Variants in MYO1F observed in about 807,000 individuals in gnomAD.
MYO1F encodes the protein myosin IF, also known as unconventional myosin-If.
Under a neutral mutation model 146.6 loss-of-function variants are expected in MYO1F, and 60 were observed. The ratio of observed to expected loss-of-function variants is 0.41; its 90% confidence interval spans 0.33 to 0.51. MYO1F has a LOEUF of 0.51. Among genes scored for constraint, MYO1F ranks in the 20% least tolerant of loss-of-function variants. The probability of loss-of-function intolerance (pLI) is 0.25; values close to 1 mark genes in which losing one functional copy is unlikely to be tolerated. For synonymous variants in MYO1F, 602 were observed against 602.1 expected, an observed-to-expected ratio of 1.00 and a Z score of 0.00; for missense variants, 1,274 against 1,534.3, an observed-to-expected ratio of 0.83 and a Z score of 2.83.
intron 25 of MYO1F, among the ~76,000 whole-genome samples, chr19:8,523,766 C>T (rs753243963): frequency 2.4e-4 from 36 of 152,192 alleles, no homozygotes; most frequent in Non-Finnish European, 4.0e-4. Context: ...GATATTCTCC[C>T]CTCTCAGCCT....
rs769845393 is a variant in MYO1F, at chr19:8,550,236, T to C, written c.1025A>G (p.Asn342Ser). The change falls in exon 10 of 28, where the codon AAC becomes AGC. Residue 342 changes from asparagine (N) to serine (S), a missense_variant. Physicochemically the swap from Asn to Ser is conservative, Grantham distance 46. Around this residue, in one of 2 missense-constraint regions of MYO1F, gnomAD observed 900 missense variants for 1,155.1 expected, o/e 0.78. Coordinates refer to ENST00000644032, the MANE Select transcript of MYO1F (RefSeq NM_012335.4). Reference sequence around the variant, plus strand: ...ACGGGTGTAGGCTGCCTGCTCCACGTTGAGGGTCACATTGATGGACTCGCT... The same window carrying C: ...ACGGGTGTAGGCTGCCTGCTCCACGCTGAGGGTCACATTGATGGACTCGCT... ...GRSESINVTL[N>S]VEQAAYTRDA... is the part of the protein sequence containing the mutation. 5 of 1,614,078 alleles carry C rather than the reference T, an allele frequency of 3.1e-6. No homozygotes were observed. The highest frequency in any genetic ancestry group is 1.7e-5 in the Admixed American group (1 of 59,996).
In MYO1F at chr19:8,544,351, G is replaced by C; in HGVS notation, c.1470C>G (p.His490Gln). Residue 490 changes from histidine to glutamine, a missense_variant, in exon 14 of 28, where the codon CAC (histidine) becomes CAG (glutamine). Coordinates refer to ENST00000644032, the MANE Select transcript of MYO1F (RefSeq NM_012335.4). ...CGGCGCTCCAGCTGTTGAAATGCTC[G>C]TGGGTCCCCACAGCCGCCTGCAGCT... ...LQKLQAAVGT[H>Q]EHFNSWSAGF... 3.1e-6 allele frequency: 5 copies of C among 1,613,134 alleles called. No homozygotes were observed. Among genetic ancestry groups the C allele is most frequent in the Non-Finnish European group, 2.5e-6 (3 of 1,179,846 alleles).
chr19:8,541,417 G>GTTTTT (rs762175522), intron 15 of MYO1F, among the ~76,000 whole-genome samples: 4 of 134,184 alleles, frequency 3.0e-5, no homozygotes, highest in Non-Finnish European at 3.1e-5. Context: ...GTGTGTGTGT[G>GTTTTT]TGTGTGTGTT....
rs1038713659 is a variant in MYO1F, at chr19:8,565,743, G to C, written c.4-9947C>G. The stretch of plus-strand genomic sequence containing the variant: ...GGGAAGTGCATTTTGTCTCTGAAGA[G>C]CTTAAGGGTGGAGATTGGATGGAAA... On this transcript the variant is annotated intron_variant, in intron 1 of 27. Coordinates refer to ENST00000644032, the MANE Select transcript of MYO1F (RefSeq NM_012335.4). Among the ~76,000 whole-genome samples, 3 of 151,766 alleles carry C rather than the reference G, an allele frequency of 2.0e-5. No individual in the cohort carries two copies. The Admixed American group carries it at 2.0e-4, about 10-fold the overall frequency.
intron 13 of MYO1F, among the ~76,000 whole-genome samples, chr19:8,544,810 C>T (rs1973271609): frequency 6.6e-6 from 1 of 152,082 alleles, no homozygotes; most frequent in Admixed American, 6.6e-5. Context: ...GAGTCTTGCT[C>T]TCTTGCCCAG....
chr19:8,523,254 C>T (rs142413652), intron 25 of MYO1F, among the ~76,000 whole-genome samples: 1,564 of 152,154 alleles, frequency 0.01, 29 homozygotes, highest in South Asian at 0.049. Context: ...AGGATGGTCT[C>T]GATCTCCTGA....
At chr19:8,543,637 CGGTGGT>C (rs1973073974) in intron 14 of MYO1F, among the ~76,000 whole-genome samples, 2 of 136,196 alleles carry the variant, frequency 1.5e-5, no homozygotes, top group Non-Finnish European at 3.1e-5. Flanking sequence ...CCAGGGAACA[CGGTGGT>C]GGTGGTGGTG....
intron 1 of MYO1F, among the ~76,000 whole-genome samples, chr19:8,560,958 C>T (rs1017448693): frequency 5.3e-5 from 8 of 151,918 alleles, no homozygotes; most frequent in Admixed American, 4.6e-4. Flanking sequence ...AGGATGGTCT[C>T]AATCTCCTGA....
intron 19 of MYO1F, among the ~76,000 whole-genome samples, chr19:8,533,133 GGCTCAAGGGATCCTCC>G (rs1972560996): frequency 1.3e-5 from 2 of 151,622 alleles, no homozygotes; most frequent in African/African-American, 4.8e-5. Flanking sequence ...TCGGCTCCCG[GGCTCAAGGGATCCTCC>G]CACCTCAGCC....
chr19:8,530,050 G>A lies in MYO1F; in HGVS notation c.2328+146C>T. 1 of 1,085,020 alleles carries A rather than the reference G, an allele frequency of 9.2e-7. No homozygotes were observed. The highest frequency in any genetic ancestry group is 1.8e-5 in the Admixed American group (1 of 56,906). The allele number at this position is 1,085,020 out of a possible 1,614,324, so 67.2% of individuals were successfully genotyped here. On this transcript the variant is annotated intron_variant, in intron 21 of 27. Transcript: ENST00000644032. This position sits in a 1 kb window ranked among gnomAD's most constrained non-coding sequence, Gnocchi z 5.8. ...GGGGGATCTATGCCTGTGGGCAGGTGCATATGGGCCAGGTGAGGGTGTACC... is the reference window on the plus strand; with the variant it reads ...GGGGGATCTATGCCTGTGGGCAGGTACATATGGGCCAGGTGAGGGTGTACC...
At chr19:8,564,103 G>C (rs111594115) in intron 1 of MYO1F, among the ~76,000 whole-genome samples, 2 of 152,204 alleles carry the variant, frequency 1.3e-5, no homozygotes, top group African/African-American at 4.8e-5. Context: ...GGTGCTGGCC[G>C]GGCATGGCGG....
At chr19:8,544,636 G>T (rs897206099) in intron 13 of MYO1F, among the ~76,000 whole-genome samples, 172 bp from the exon 14 acceptor site, 1 of 151,864 alleles carries the variant, frequency 6.6e-6, no homozygotes, top group Non-Finnish European at 1.5e-5. Context: ...GGCGTTGCAG[G>T]GGTCAGGGAT....
chr19:8,556,325 C>T (rs1015433839), intron 1 of MYO1F, among the ~76,000 whole-genome samples: 27 of 150,490 alleles, frequency 1.8e-4, no homozygotes, highest in Non-Finnish European at 3.4e-4. Flanking sequence ...CCACCGCACC[C>T]GGCCTCTTTT....
chr19:8,546,190 G>A (rs1055853161), intron 12 of MYO1F, among the ~76,000 whole-genome samples: 4 of 148,750 alleles, frequency 2.7e-5, no homozygotes, highest in Middle Eastern at 3.5e-3. Context: ...TCAGCCTCCC[G>A]AGAAGCTGGG....
intron 12 of MYO1F, 29 bp downstream of exon 12, chr19:8,548,007 C>CCCAAA: frequency 2.1e-6 from 2 of 933,212 alleles, no homozygotes; most frequent in Non-Finnish European, 1.7e-6. Flanking sequence ...ACCCCAGGAT[C>CCCAAA]CCCCATCCCT....
chr19:8,553,919 C>T (rs1024817241), intron 4 of MYO1F, among the ~76,000 whole-genome samples: 4 of 151,258 alleles, frequency 2.6e-5, no homozygotes, highest in Non-Finnish European at 5.9e-5. Context: ...CTCTCTCTCT[C>T]TCTCGCTCTC....
At chr19:8,544,114 G>T (rs773911242) in intron 14 of MYO1F, 183 bp downstream of exon 14, 78 of 677,042 alleles carry the variant, frequency 1.2e-4, no homozygotes, top group Non-Finnish European at 1.6e-4. Flanking sequence ...GGGGTCAGCC[G>T]GAAGGGTCTG....
intron 2 of MYO1F, 115 bp downstream of exon 2, chr19:8,555,544 C>T: frequency 9.0e-6 from 13 of 1,443,084 alleles, no homozygotes; most frequent in Non-Finnish European, 1.3e-5. Context: ...TCTGTGTCAC[C>T]ACTTGGTGCT....
Position 8,550,150 on chromosome 19 carries a change from C to T in MYO1F, c.1101+10G>A, listed in dbSNP as rs1361296353. The T allele has an allele frequency of 1.2e-6, 2 of 1,613,382 alleles. No homozygotes were observed. The highest frequency in any genetic ancestry group is 1.7e-6 in the Non-Finnish European group (2 of 1,180,026). Reference sequence around the variant, plus strand: ...CATCCACTCTGCCTTCCAGCCCCAGCCCCACTCGCCTCCACGAGGAAGTCG... The same window carrying T: ...CATCCACTCTGCCTTCCAGCCCCAGTCCCACTCGCCTCCACGAGGAAGTCG... On this transcript the variant is annotated intron_variant, in intron 10 of 27. Coordinates refer to ENST00000644032, the MANE Select transcript of MYO1F (RefSeq NM_012335.4).
Sources: gnomAD v4.1 joint callset for allele counts (sites outside exome capture counted in the v4.1 genomes callset) on GRCh38, gnomAD v4.1.1 for gene constraint, gnomAD v4.1.1 regional missense constraint, Gnocchi (gnomAD v3.1) non-coding constraint, MANE v1.5 for transcripts, NCBI Gene and HGNC (gene_info 2026-07-23, HGNC 2026-07-21) for gene names.